HPSE2: variants seen among roughly 807,000 people sequenced by gnomAD.
HPSE2 encodes heparanase 2 (inactive), also known as inactive heparanase-2.
In HPSE2, 38 loss-of-function variants were observed where a neutral mutation model predicts 60.5. The observed-to-expected ratio is 0.63, with a 90% CI of 0.48 to 0.82. The LOEUF (loss-of-function observed/expected upper bound fraction) is 0.82, where lower values mean the gene tolerates loss of function less well. HPSE2 is among the 40% of genes least tolerant of loss of function. The pLI, the probability that HPSE2 is intolerant of heterozygous loss-of-function variation, is 0.00. For synonymous variants in HPSE2, 295 were observed against 293.2 expected (o/e 1.01, Z -0.06); for missense variants, 713 against 740.4 (o/e 0.96, Z 0.43).
In HPSE2 at chr10:98,928,050, C is replaced by A. The variant is rs28860503; in HGVS notation, c.611-183994G>T. Among the ~76,000 whole-genome samples the A allele has an allele frequency of 4.2e-4, 61 of 144,760 alleles. No individual in the cohort carries two copies. The East Asian group carries it at 0.01, about 24-fold the overall frequency. The allele number at this position is 144,760 out of a possible 152,430, so 95.0% of individuals were successfully genotyped here. On this transcript the variant is annotated intron_variant, in intron 3 of 11. Transcript: ENST00000370552. The stretch of plus-strand genomic sequence containing the variant: ...AGAAACTACCATCAGAGTGAACAGG[C>A]AACCTACAAAATGGGAGAAAATTTT...
chr10:99,043,306 A>G (rs1460962337), intron 3 of HPSE2, among the ~76,000 whole-genome samples: 1 of 152,084 alleles, frequency 6.6e-6, no homozygotes, highest in Non-Finnish European at 1.5e-5. Flanking sequence ...AACACGGTGA[A>G]ACCCCATCTC....
At chr10:98,777,576 C>A (rs1373366533) in intron 3 of HPSE2, among the ~76,000 whole-genome samples, 1 of 152,102 alleles carries the variant, frequency 6.6e-6, no homozygotes, top group African/African-American at 2.4e-5. Context: ...CTTTTAAAAA[C>A]AGGATGGTTG....
intron 9 of HPSE2, among the ~76,000 whole-genome samples, chr10:98,543,694 A>G (rs1363934573): frequency 6.6e-6 from 1 of 152,114 alleles, no homozygotes; most frequent in African/African-American, 2.4e-5. Flanking sequence ...CTCTGATAAA[A>G]CAGACTTAAA....
At chr10:99,107,148 G>C (rs193146175) in intron 3 of HPSE2, among the ~76,000 whole-genome samples, 1 of 152,260 alleles carries the variant, frequency 6.6e-6, no homozygotes, top group Non-Finnish European at 1.5e-5. Flanking sequence ...TGGGATTACA[G>C]GTGTGAGCCA....
intron 9 of HPSE2, among the ~76,000 whole-genome samples, chr10:98,601,512 C>T (rs893216188): frequency 6.6e-6 from 1 of 152,090 alleles, no homozygotes; most frequent in African/African-American, 2.4e-5. Flanking sequence ...GACTACCAAC[C>T]GTGATTATCT....
intron 3 of HPSE2, among the ~76,000 whole-genome samples, chr10:98,946,021 T>G (rs1460912864): frequency 6.6e-6 from 1 of 151,940 alleles, no homozygotes; most frequent in Non-Finnish European, 1.5e-5. Flanking sequence ...TGTGACAATT[T>G]GAAAAAACAG....
At chr10:98,877,386 G>A (rs1337931464) in intron 3 of HPSE2, among the ~76,000 whole-genome samples, 1 of 151,770 alleles carries the variant, frequency 6.6e-6, no homozygotes, top group African/African-American at 2.4e-5. Context: ...AGCAGTTTAG[G>A]TAGTTTAGAA....
chr10:98,519,971 C>G (rs948634261), intron 9 of HPSE2, among the ~76,000 whole-genome samples: 8 of 152,186 alleles, frequency 5.3e-5, no homozygotes, highest in African/African-American at 1.9e-4. Context: ...GGAAAATAAG[C>G]TACAGACCAC....
chr10:98,797,931 C>A (rs987145508), intron 3 of HPSE2, among the ~76,000 whole-genome samples: 1 of 152,164 alleles, frequency 6.6e-6, no homozygotes, highest in Middle Eastern at 3.4e-3. Flanking sequence ...TCAAGAATTT[C>A]TCAAACCTGG....
intron 7 of HPSE2, among the ~76,000 whole-genome samples, chr10:98,622,311 C>T (rs2133989839): frequency 6.6e-6 from 1 of 152,142 alleles, no homozygotes; most frequent in East Asian, 1.9e-4. Context: ...TGACACATGC[C>T]TCTTAAGAAC....
chr10:98,708,848 T>G (rs558043437), intron 5 of HPSE2, among the ~76,000 whole-genome samples: 1 of 152,322 alleles, frequency 6.6e-6, no homozygotes, highest in Non-Finnish European at 1.5e-5. Flanking sequence ...AATATTTATA[T>G]TTTTTAAAAA....
the HPSE2 span, among the ~76,000 whole-genome samples, chr10:99,249,106 A>T: frequency 6.6e-6 from 1 of 152,230 alleles, no homozygotes; most frequent in African/African-American, 2.4e-5. Flanking sequence ...TCCCACACAC[A>T]GAGTCCCCAC....
At position 99,054,599 on chromosome 10, in the gene HPSE2, A is replaced by G. The variant is rs540516701; in HGVS notation, c.610+89639T>C. Among the ~76,000 whole-genome samples, 5 of 152,350 alleles carry G rather than the reference A, an allele frequency of 3.3e-5. No individual in the cohort carries two copies. In the South Asian group the frequency reaches 1.0e-3, roughly 32 times the overall value. On this transcript the variant is annotated intron_variant, in intron 3 of 11. Transcript: ENST00000370552. ...ACTAACAAAGCATAAAACCAAGCCC[A>G]CAATAGTTTAAGGTGACCACCCAGT...
intron 3 of HPSE2, among the ~76,000 whole-genome samples, chr10:98,864,993 T>C (rs1461674912): frequency 6.6e-6 from 1 of 152,136 alleles, no homozygotes; most frequent in Non-Finnish European, 1.5e-5. Flanking sequence ...AGCAATGATA[T>C]GTAATTATGT....
At chr10:98,792,086 C>T (rs1205823776) in intron 3 of HPSE2, among the ~76,000 whole-genome samples, 1 of 152,056 alleles carries the variant, frequency 6.6e-6, no homozygotes, top group Non-Finnish European at 1.5e-5. Flanking sequence ...TAATATTGAG[C>T]TAAACCAAAA....
chr10:98,719,728 A>G (rs1404176839), intron 5 of HPSE2, among the ~76,000 whole-genome samples: 3 of 149,636 alleles, frequency 2.0e-5, no homozygotes, highest in Non-Finnish European at 3.0e-5. Flanking sequence ...AAAGAAGAAG[A>G]AAAAAAACTA....
chr10:98,536,301 C>T (rs575356446), intron 9 of HPSE2, among the ~76,000 whole-genome samples: 35 of 152,128 alleles, frequency 2.3e-4, no homozygotes, highest in Admixed American at 3.3e-4. Context: ...GTTTATTATT[C>T]GAAAGATCAT....
intron 9 of HPSE2, among the ~76,000 whole-genome samples, chr10:98,503,621 C>T (rs1387972629): frequency 6.6e-6 from 1 of 152,118 alleles, no homozygotes; most frequent in African/African-American, 2.4e-5. Context: ...ACCCAAATGC[C>T]CACCAATCAA....
intron 4 of HPSE2, 74 bp from the exon 5 acceptor site, chr10:98,721,902 T>A: frequency 1.6e-6 from 2 of 1,214,948 alleles, no homozygotes; most frequent in East Asian, 2.3e-5. Context: ...TCCACAGATC[T>A]CTCTGCCTTT....
Sources: allele counts gnomAD v4.1 joint callset (sites outside exome capture counted in the v4.1 genomes callset), GRCh38; gene constraint gnomAD v4.1.1; transcripts MANE v1.5; gene names NCBI Gene and HGNC (gene_info 2026-07-23, HGNC 2026-07-21).